Variants in WSCD2 observed in about 807,000 individuals in gnomAD.
WSCD2 encodes the protein WSC domain sialate O sulfotransferase 2, also known as sialate:O-sulfotransferase 2.
WSCD2 carries 28 observed loss-of-function variants against 55.7 expected under a neutral mutation model. That is an observed-to-expected ratio of 0.50 (90% CI 0.37 to 0.69). WSCD2 has a LOEUF of 0.69. Among genes scored for constraint, WSCD2 ranks in the 30% least tolerant of loss-of-function variants. The pLI is 0.00. For missense variants in WSCD2, 616 were observed against 762.1 expected, an observed-to-expected ratio of 0.81 and a Z score of 2.26; for synonymous variants, 301 against 301.9, an observed-to-expected ratio of 1.00 and a Z score of 0.03.
chr12:108,246,344 G>A (rs927256726), intron 8 of WSCD2, among the ~76,000 whole-genome samples: 1 of 152,212 alleles, frequency 6.6e-6, no homozygotes, highest in Admixed American at 6.5e-5. Flanking sequence ...CACCACCCTC[G>A]TTCAATAAAC....
At chr12:108,165,198 G>A (rs1214767182) in intron 1 of WSCD2, among the ~76,000 whole-genome samples, 1 of 152,104 alleles carries the variant, frequency 6.6e-6, no homozygotes, top group East Asian at 1.9e-4. Flanking sequence ...GTATGTTGAG[G>A]CAGATTTTAA....
intron 1 of WSCD2, among the ~76,000 whole-genome samples, chr12:108,144,723 G>A (rs1288043651): frequency 6.6e-6 from 1 of 152,160 alleles, no homozygotes; most frequent in Non-Finnish European, 1.5e-5. Flanking sequence ...CCTGGTGAAA[G>A]GGAGTGAGAT....
intron 1 of WSCD2, among the ~76,000 whole-genome samples, chr12:108,139,890 A>G (rs1876606159): frequency 1.3e-5 from 2 of 152,096 alleles, no homozygotes; most frequent in South Asian, 4.1e-4. Flanking sequence ...CAGCAGTGAA[A>G]AGCTGAGAAG....
chr12:108,158,112 T>C (rs1025247434), intron 1 of WSCD2, among the ~76,000 whole-genome samples: 2 of 152,098 alleles, frequency 1.3e-5, no homozygotes, highest in East Asian at 1.9e-4. Context: ...GTGAGCCCGG[T>C]TGTGGGCTAC....
intron 1 of WSCD2, among the ~76,000 whole-genome samples, chr12:108,155,907 A>G (rs1265643351): frequency 6.6e-6 from 1 of 152,218 alleles, no homozygotes; most frequent in African/African-American, 2.4e-5. Flanking sequence ...GATTCAGGGA[A>G]CTGTTGGAGA....
In WSCD2 at chr12:108,175,925, C is replaced by T. The variant is rs541430654; in HGVS notation, c.-551-19357C>T. 1.1e-4 allele frequency among the ~76,000 whole-genome samples: 17 copies of T among 152,166 alleles called. No individual in the cohort carries two copies. The South Asian group carries it at 1.7e-3, about 15-fold the overall frequency. ...CACGATCTTGGCTCACTGCAAGCTC[C>T]GCCTCCTGGGTTCATGCCATTCTCC... On this transcript the variant is annotated intron_variant, in intron 1 of 8. Coordinates refer to ENST00000547525, the MANE Select transcript of WSCD2 (RefSeq NM_014653.4).
At position 108,206,335 on chromosome 12, in the gene WSCD2, T is replaced by C; in HGVS notation, c.429T>C (p.Leu143=). Residue 143 remains leucine (L), a synonymous_variant, in exon 3 of 9, where the codon CTT becomes CTC. Coordinates refer to ENST00000547525, the MANE Select transcript of WSCD2 (RefSeq NM_014653.4). ...TGGATGACACCCAGAGTCGGGCCCT[T>C]CGAGGAGTGTCCTTTTTTGACTACA... ...CYLDDTQSRA[L]RGVSFFDYKK... 1 of 1,614,214 alleles carries C rather than the reference T, an allele frequency of 6.2e-7. No homozygotes were observed. The highest frequency in any genetic ancestry group is 8.5e-7 in the Non-Finnish European group (1 of 1,180,038).
At chr12:108,185,626 A>C (rs1451276879) in intron 1 of WSCD2, among the ~76,000 whole-genome samples, 1 of 152,180 alleles carries the variant, frequency 6.6e-6, no homozygotes, top group African/African-American at 2.4e-5. Flanking sequence ...TCACAAGATA[A>C]CATTTCTCCT....
In WSCD2 at chr12:108,195,640, C is replaced by T; in HGVS notation, c.-193C>T. ...TTTGGGAGGGCTGGTAAGCTCCATC[C>T]TTTCTCATGGCCTCAGCCAAGCATT... On this transcript the variant is annotated 5_prime_UTR_variant, in exon 2 of 9. Transcript: ENST00000547525. The T allele has an allele frequency of 1.3e-6, 1 of 772,536 alleles. No individual in the cohort carries two copies. The highest frequency in any genetic ancestry group is 2.0e-6 in the Non-Finnish European group (1 of 502,382). The allele number at this position is 772,536 out of a possible 1,614,324, so 47.9% of individuals were successfully genotyped here. A position where few individuals can be genotyped will look rare whatever the true frequency, so the allele number is the denominator to read the frequency against.
chr12:108,143,215 A>G (rs1766043892), intron 1 of WSCD2, among the ~76,000 whole-genome samples: 2 of 152,204 alleles, frequency 1.3e-5, no homozygotes, highest in African/African-American at 4.8e-5. Flanking sequence ...ATCAGTCTCT[A>G]ACTACTTATA....
chr12:108,240,452 T>G lies in WSCD2; in HGVS notation c.1253T>G (p.Ile418Ser). ...IEAFDAAILL[I>S]RNPYKALMAE... Reference sequence around the variant, plus strand: ...GCCTTCGACGCCGCCATCCTGCTCATCCGCAACCCCTACAAAGCCCTCATG... The same window carrying G: ...GCCTTCGACGCCGCCATCCTGCTCAGCCGCAACCCCTACAAAGCCCTCATG... The change falls in exon 8 of 9, where the codon ATC becomes AGC. Residue 418 changes from isoleucine (I) to serine (S), a missense_variant. Physicochemically the swap from Ile to Ser is moderately radical, Grantham distance 142. Coordinates refer to ENST00000547525, the MANE Select transcript of WSCD2 (RefSeq NM_014653.4). 6.2e-7 allele frequency: 1 copy of G among 1,613,970 alleles called. No homozygotes were observed. Among genetic ancestry groups the G allele is most frequent in the Non-Finnish European group, 8.5e-7 (1 of 1,180,010 alleles).
chr12:108,219,973 G>A (rs189291559), intron 4 of WSCD2, among the ~76,000 whole-genome samples: 1 of 152,150 alleles, frequency 6.6e-6, no homozygotes, highest in Non-Finnish European at 1.5e-5. Flanking sequence ...CAACCTCAGA[G>A]TGACAGCCCT....
At chr12:108,135,822 T>G (rs759772190) in intron 1 of WSCD2, among the ~76,000 whole-genome samples, 3 of 151,186 alleles carry the variant, frequency 2.0e-5, no homozygotes, top group Non-Finnish European at 4.4e-5. Context: ...TGCCTGTTTT[T>G]GTAAATAAAG....
At position 108,250,455 on chromosome 12, in the gene WSCD2, A is replaced by G. The variant is rs993151483; in HGVS notation, c.*2112A>G. 6 of 152,136 alleles carry G rather than the reference A, an allele frequency of 3.9e-5. No individual in the cohort carries two copies. Among genetic ancestry groups the G allele is most frequent in the Admixed American group, 6.6e-5 (1 of 15,266 alleles). 9.4% of individuals were successfully genotyped at this position (152,136 alleles called of 1,614,324 possible). A position where few individuals can be genotyped will look rare whatever the true frequency, so the allele number is the denominator to read the frequency against. Reference sequence around the variant, plus strand: ...TATCCCACAAGTTGCCGGTATGACCATCTTATTTGTAATGAGTCTGTGCAG... The same window carrying G: ...TATCCCACAAGTTGCCGGTATGACCGTCTTATTTGTAATGAGTCTGTGCAG... On this transcript the variant is annotated 3_prime_UTR_variant, in exon 9 of 9. Transcript: ENST00000547525.
chr12:108,139,220 T>G (rs80068324), intron 1 of WSCD2, among the ~76,000 whole-genome samples: 2,563 of 152,282 alleles, frequency 0.017, 67 homozygotes, highest in African/African-American at 0.058. Flanking sequence ...TGGAGGTCTA[T>G]CTCCAAATAA....
intron 1 of WSCD2, among the ~76,000 whole-genome samples, chr12:108,137,891 G>A (rs1876384376): frequency 6.6e-6 from 1 of 152,220 alleles, no homozygotes; most frequent in Non-Finnish European, 1.5e-5. Context: ...GACAGTGTCT[G>A]GTGTGTGATA....
intron 1 of WSCD2, among the ~76,000 whole-genome samples, chr12:108,179,942 C>G (rs1472692687): frequency 6.6e-6 from 1 of 151,396 alleles, no homozygotes; most frequent in Non-Finnish European, 1.5e-5. Flanking sequence ...ACTTGGGAGG[C>G]TGAGGCAGGA....
At position 108,230,593 on chromosome 12, in the gene WSCD2, G is replaced by A. The variant is rs77165289; in HGVS notation, c.980-2138G>A. On this transcript the variant is annotated intron_variant, in intron 6 of 8. Transcript: ENST00000547525. Reference sequence around the variant, plus strand: ...CACCCAAAAAGTAAGTGGAAGAATTGGAATTTAAATCTAGGACTTCACACC... The same window carrying A: ...CACCCAAAAAGTAAGTGGAAGAATTAGAATTTAAATCTAGGACTTCACACC... 9.8e-3 allele frequency among the ~76,000 whole-genome samples: 1,491 copies of A among 152,260 alleles called. 18 individuals carry two copies. The highest frequency in any genetic ancestry group is 0.032 in the African/African-American group (1,312 of 41,548).
At chr12:108,228,649 T>G (rs1186965676) in intron 6 of WSCD2, among the ~76,000 whole-genome samples, 2 of 152,246 alleles carry the variant, frequency 1.3e-5, no homozygotes, top group Non-Finnish European at 2.9e-5. Flanking sequence ...ACATGTTGTG[T>G]GCCCTGGATG....
Sources: allele counts gnomAD v4.1 joint callset (sites outside exome capture counted in the v4.1 genomes callset), GRCh38; gene constraint gnomAD v4.1.1; transcripts MANE v1.5; gene names NCBI Gene and HGNC (gene_info 2026-07-23, HGNC 2026-07-21).